The following LRRC69 variants were observed in gnomAD, a reference collection of about 807,000 sequenced individuals.
LRRC69 encodes leucine-rich repeat-containing protein 69.
Under a neutral mutation model 37.8 loss-of-function variants are expected in LRRC69, and 42 were observed. The observed-to-expected ratio is 1.11, with a 90% CI of 0.87 to 1.44. The LOEUF is 1.44. Among genes scored for constraint, LRRC69 ranks in the 40% most tolerant of loss-of-function variants. The pLI is 0.00. For synonymous variants in LRRC69, 141 were observed against 143.1 expected (o/e 0.99, Z 0.11); for missense variants, 357 against 401.9 (o/e 0.89, Z 0.96).
chr8:91,111,116 C>T (rs1177788518), intron 1 of LRRC69, among the ~76,000 whole-genome samples: 1 of 151,990 alleles, frequency 6.6e-6, no homozygotes, highest in Non-Finnish European at 1.5e-5. Context: ...TGGAAAGTTT[C>T]CTATTTAATA....
At chr8:91,117,754 T>C (rs182255259) in intron 1 of LRRC69, among the ~76,000 whole-genome samples, 20 of 151,924 alleles carry the variant, frequency 1.3e-4, no homozygotes, top group Admixed American at 1.3e-3. Flanking sequence ...CATGCCATGT[T>C]AGGCTGCATA....
intron 5 of LRRC69, among the ~76,000 whole-genome samples, chr8:91,138,487 G>C (rs1488205385): frequency 6.7e-6 from 1 of 150,054 alleles, no homozygotes; most frequent in South Asian, 2.1e-4. Flanking sequence ...AGAGTGTTTT[G>C]CTATTTTATG....
chr8:91,164,848 T>TA (rs1447702080), intron 5 of LRRC69, among the ~76,000 whole-genome samples: 4 of 151,670 alleles, frequency 2.6e-5, no homozygotes, highest in African/African-American at 9.7e-5. Context: ...TATATAAACA[T>TA]ATTATGCCTG....
exon 8 of LRRC69, chr8:91,218,942 G>A (rs994315911): frequency 1.3e-6 from 2 of 1,550,830 alleles, no homozygotes; most frequent in African/African-American, 1.4e-5. Flanking sequence ...GTATTAATTT[G>A]TTCTTACAAA....
intron 5 of LRRC69, among the ~76,000 whole-genome samples, chr8:91,170,924 T>A (rs1809116060): frequency 7.2e-6 from 1 of 138,322 alleles, no homozygotes; most frequent in African/African-American, 2.7e-5. Context: ...ACTAAAGAGC[T>A]TCTGCACAGC....
intron 1 of LRRC69, among the ~76,000 whole-genome samples, chr8:91,104,965 C>T (rs1293873650): frequency 6.6e-6 from 1 of 151,998 alleles, no homozygotes; most frequent in Non-Finnish European, 1.5e-5. Flanking sequence ...CTTGTGGCTC[C>T]CTTTGTTACT....
chr8:91,216,893 A>G (rs958350706), intron 7 of LRRC69, among the ~76,000 whole-genome samples: 3 of 152,240 alleles, frequency 2.0e-5, no homozygotes, highest in South Asian at 2.1e-4. Flanking sequence ...CCCCAATACA[A>G]TGTGCACATT....
chr8:91,121,741 AC>A (rs1240043948), intron 1 of LRRC69, among the ~76,000 whole-genome samples: 4 of 152,252 alleles, frequency 2.6e-5, no homozygotes, highest in Middle Eastern at 3.4e-3. Flanking sequence ...CAAAGATGTT[AC>A]ATGTCTTATG....
intron 1 of LRRC69, among the ~76,000 whole-genome samples, chr8:91,123,922 C>T (rs1412379056): frequency 2.0e-5 from 3 of 151,482 alleles, no homozygotes; most frequent in Non-Finnish European, 4.4e-5. Context: ...ATCTTTTCTA[C>T]GCTCATTATA....
chr8:91,141,417 G>A (rs1317584589), intron 5 of LRRC69, among the ~76,000 whole-genome samples: 1 of 152,076 alleles, frequency 6.6e-6, no homozygotes, highest in East Asian at 1.9e-4. Context: ...GTTCAGGGTG[G>A]ATATGAATCT....
chr8:91,156,129 T>G (rs1190095875), intron 5 of LRRC69, among the ~76,000 whole-genome samples: 1 of 150,880 alleles, frequency 6.6e-6, no homozygotes, highest in African/African-American at 2.4e-5. Flanking sequence ...CTTCATACTG[T>G]TTTTCATAAT....
chr8:91,124,470 A>T, intron 1 of LRRC69, 23 bp from the exon 2 acceptor site: 7 of 1,507,338 alleles, frequency 4.6e-6, no homozygotes, highest in Non-Finnish European at 6.2e-6. Flanking sequence ...ATATGAGTCC[A>T]TTAAACCTCT....
chr8:91,195,864 T>C (rs1209951835), intron 6 of LRRC69, among the ~76,000 whole-genome samples: 1 of 152,022 alleles, frequency 6.6e-6, no homozygotes, highest in Non-Finnish European at 1.5e-5. Context: ...AATATTGTTA[T>C]GTGTGAATTT....
chr8:91,112,274 C>G (rs538529867), intron 1 of LRRC69, among the ~76,000 whole-genome samples: 1 of 152,130 alleles, frequency 6.6e-6, no homozygotes, highest in South Asian at 2.1e-4. Flanking sequence ...TGCGGCTGCT[C>G]TGCATGCACT....
At chr8:91,167,764 T>C (rs1809054989) in intron 5 of LRRC69, among the ~76,000 whole-genome samples, 1 of 151,914 alleles carries the variant, frequency 6.6e-6, no homozygotes, top group South Asian at 2.1e-4. Flanking sequence ...CTCTTCTGTG[T>C]TGGTGCCAGT....
At chr8:91,139,439 C>T (rs1436853049) in intron 5 of LRRC69, among the ~76,000 whole-genome samples, 1 of 151,710 alleles carries the variant, frequency 6.6e-6, no homozygotes, top group Non-Finnish European at 1.5e-5. Context: ...CTACTCCCAG[C>T]TAATTTTGTA....
Position 91,159,671 on chromosome 8 carries a change from T to C in LRRC69, c.651+23932T>C, listed in dbSNP as rs114333098. On this transcript the variant is annotated intron_variant, in intron 5 of 7. Transcript: ENST00000448384. ...GAAGAAAGTTAGCTTTGTAAACTACTTCATTTGATTCAGAGAAATAGAGCA... is the reference window on the plus strand; with the variant it reads ...GAAGAAAGTTAGCTTTGTAAACTACCTCATTTGATTCAGAGAAATAGAGCA... Among the ~76,000 whole-genome samples the C allele has an allele frequency of 2.7e-3, 408 of 151,286 alleles. 4 individuals carry two copies. Among genetic ancestry groups the C allele is most frequent in the African/African-American group, 9.5e-3 (394 of 41,442 alleles).
intron 5 of LRRC69, among the ~76,000 whole-genome samples, chr8:91,146,779 T>G (rs1808626560): frequency 6.6e-6 from 1 of 151,834 alleles, no homozygotes; most frequent in Non-Finnish European, 1.5e-5. Context: ...AAAGTTGTTT[T>G]AAGGCAGTGG....
At chr8:91,126,736 GAT>G (rs1813722672) in intron 2 of LRRC69, among the ~76,000 whole-genome samples, 3 of 152,012 alleles carry the variant, frequency 2.0e-5, no homozygotes, top group Admixed American at 2.0e-4. Context: ...GAGCGGGTAA[GAT>G]ATTATAAATA....
Sources: allele counts gnomAD v4.1 joint callset (sites outside exome capture counted in the v4.1 genomes callset), GRCh38; gene constraint gnomAD v4.1.1; transcripts MANE v1.5; gene names NCBI Gene and HGNC (gene_info 2026-07-23, HGNC 2026-07-21).